PRAG1: variants seen among roughly 807,000 people sequenced by gnomAD.
PRAG1 encodes PEAK1 related, kinase-activating pseudokinase 1.
PRAG1 carries 110 observed loss-of-function variants against 95.6 expected under a neutral mutation model. The observed-to-expected ratio is 1.15, with a 90% CI of 0.99 to 1.35. The LOEUF (loss-of-function observed/expected upper bound fraction) is 1.35, where lower values mean the gene tolerates loss of function less well. Ranked by LOEUF, PRAG1 falls within the 40% of genes most tolerant of loss-of-function variation. The pLI, the probability that PRAG1 is intolerant of heterozygous loss-of-function variation, is 0.00. For synonymous variants in PRAG1, 1,052 were observed against 819.4 expected, an observed-to-expected ratio of 1.28 and a Z score of -4.85; for missense variants, 2,554 against 1,864.7, an observed-to-expected ratio of 1.37 and a Z score of -6.81.
At position 8,317,967 on chromosome 8, in the gene PRAG1, C is replaced by T. The variant is rs1235029653; in HGVS notation, c.*187G>A. The T allele has an allele frequency of 2.2e-5, 9 of 409,094 alleles. No individual in the cohort carries two copies. The highest frequency in any genetic ancestry group is 3.6e-5 in the Non-Finnish European group (9 of 248,502). The allele number at this position is 409,094 out of a possible 1,614,324, so 25.3% of individuals were successfully genotyped here. On this transcript the variant is annotated 3_prime_UTR_variant, in exon 6 of 6. Coordinates refer to ENST00000615670, the MANE Select transcript of PRAG1 (RefSeq NM_001080826.3). ...CAGAGAGGAGACGAGTGTGGACGGGCAACAGCATCCTTAGTCTTTCATATT... is the reference window on the plus strand; with the variant it reads ...CAGAGAGGAGACGAGTGTGGACGGGTAACAGCATCCTTAGTCTTTCATATT...
intron 4 of PRAG1, among the ~76,000 whole-genome samples, chr8:8,337,646 G>C (rs1392799783): frequency 6.6e-6 from 1 of 152,120 alleles, no homozygotes; most frequent in Non-Finnish European, 1.5e-5. Flanking sequence ...TGTTGGTCTG[G>C]GAGTCTAAGT....
At chr8:8,362,156 T>G (rs1487179192) in intron 3 of PRAG1, among the ~76,000 whole-genome samples, 1 of 152,186 alleles carries the variant, frequency 6.6e-6, no homozygotes, top group Non-Finnish European at 1.5e-5. Context: ...GCTTCCCTAA[T>G]GGAAATTTAG....
intron 4 of PRAG1, among the ~76,000 whole-genome samples, chr8:8,335,315 T>A (rs2976954): frequency 1.3e-5 from 2 of 151,786 alleles, no homozygotes; most frequent in Non-Finnish European, 2.9e-5. Context: ...CCAAATAATA[T>A]AATGAAAAAT....
At chr8:8,370,558 G>A (rs1426390577) in intron 3 of PRAG1, among the ~76,000 whole-genome samples, 1 of 152,198 alleles carries the variant, frequency 6.6e-6, no homozygotes, top group Non-Finnish European at 1.5e-5. Flanking sequence ...GGATTTCCTA[G>A]TAAAATGTTG....
intron 3 of PRAG1, among the ~76,000 whole-genome samples, chr8:8,354,169 A>G (rs1407727693): frequency 6.6e-6 from 1 of 152,134 alleles, no homozygotes; most frequent in African/African-American, 2.4e-5. Context: ...ATGCCAACAA[A>G]TTGGATGACA....
At chr8:8,367,127 C>T (rs1409757144) in intron 3 of PRAG1, among the ~76,000 whole-genome samples, 1 of 152,070 alleles carries the variant, frequency 6.6e-6, no homozygotes, top group Admixed American at 6.6e-5. Context: ...TCCAAATGAT[C>T]AGAATTGGCA....
Position 8,328,190 on chromosome 8 carries a change from A to G in PRAG1, c.2592T>C (p.Tyr864=). The change falls in exon 5 of 6, where the codon TAT becomes TAC. Residue 864 remains tyrosine (Y), a synonymous_variant. Transcript: ENST00000615670. ...GGTGGCGGTTCCCGGGGCTCAACGA[A>G]TAGCTAAAGTGAGATTCGTCGTGGA... is the stretch of plus-strand genomic sequence containing the variant. ...TNVHDESHFS[Y]SLSPGNRHHP... 6.2e-7 allele frequency: 1 copy of G among 1,614,164 alleles called. No homozygotes were observed. Among genetic ancestry groups the G allele is most frequent in the Non-Finnish European group, 8.5e-7 (1 of 1,180,026 alleles).
chr8:8,352,087 A>G (rs920146053), intron 3 of PRAG1, among the ~76,000 whole-genome samples: 1 of 152,194 alleles, frequency 6.6e-6, no homozygotes, highest in Non-Finnish European at 1.5e-5. Context: ...TTTCAAATTC[A>G]CTTTGTTGAA....
At chr8:8,326,283 A>C (rs1044118148) in intron 5 of PRAG1, among the ~76,000 whole-genome samples, 5 of 149,834 alleles carry the variant, frequency 3.3e-5, no homozygotes, top group African/African-American at 1.2e-4. Context: ...AATATTGTTT[A>C]ATATTATTTT....
At chr8:8,378,275 C>T (rs373915709) in intron 2 of PRAG1, among the ~76,000 whole-genome samples, 197 bp from the exon 3 acceptor site, 2 of 152,168 alleles carry the variant, frequency 1.3e-5, no homozygotes. Context: ...CTGGGGCACC[C>T]GCTGAGCCAT....
chr8:8,324,836 C>T (rs1372568681), intron 5 of PRAG1, among the ~76,000 whole-genome samples: 1 of 152,094 alleles, frequency 6.6e-6, no homozygotes, highest in Non-Finnish European at 1.5e-5. Context: ...AGAAATGAAA[C>T]TGCTTCGAAG....
At chr8:8,381,859 A>G (rs1800686488) in intron 1 of PRAG1, 25 bp from the exon 2 acceptor site, 2 of 814,026 alleles carry the variant, frequency 2.5e-6, no homozygotes, top group African/African-American at 1.7e-5. Flanking sequence ...CAGTTTCCTG[A>G]TTAGAGATTT....
intron 3 of PRAG1, among the ~76,000 whole-genome samples, chr8:8,342,035 G>T (rs1443810889): frequency 1.3e-5 from 2 of 151,972 alleles, no homozygotes; most frequent in East Asian, 3.9e-4. Context: ...GGAGACTGAG[G>T]CAGTAGAATC....
At chr8:8,324,380 A>G (rs1162741336) in intron 5 of PRAG1, among the ~76,000 whole-genome samples, 1 of 152,234 alleles carries the variant, frequency 6.6e-6, no homozygotes, top group Non-Finnish European at 1.5e-5. Context: ...GCATTTCAAA[A>G]TCAGTGCACT....
At chr8:8,351,363 A>G (rs566384775) in intron 3 of PRAG1, among the ~76,000 whole-genome samples, 2 of 152,230 alleles carry the variant, frequency 1.3e-5, no homozygotes, top group Admixed American at 6.5e-5. Flanking sequence ...CCCATCTCCA[A>G]TATTCGGGAT....
intron 3 of PRAG1, among the ~76,000 whole-genome samples, chr8:8,365,352 G>C (rs902334361): frequency 3.9e-5 from 6 of 152,110 alleles, no homozygotes; most frequent in African/African-American, 7.2e-5. Flanking sequence ...GGCTGGACAT[G>C]GTGGCTCACA....
At chr8:8,328,542 T>A (rs370858921) in intron 4 of PRAG1, 81 bp from the exon 5 acceptor site, 2 of 1,416,796 alleles carry the variant, frequency 1.4e-6, no homozygotes, top group East Asian at 2.4e-5. Context: ...TTCCCTTTAT[T>A]TATTTATTTA....
chr8:8,339,692 C>G, intron 3 of PRAG1, 57 bp from the exon 4 acceptor site: 1 of 1,538,398 alleles, frequency 6.5e-7, no homozygotes, highest in Non-Finnish European at 8.9e-7. Context: ...ATTCAGAAAC[C>G]AGGCTGATGG....
At chr8:8,350,146 C>G (rs1222840173) in intron 3 of PRAG1, among the ~76,000 whole-genome samples, 1 of 152,142 alleles carries the variant, frequency 6.6e-6, no homozygotes, top group Non-Finnish European at 1.5e-5. Context: ...AAAAGCAAGT[C>G]TTTTATTTGT....
Sources: gnomAD v4.1 joint callset for allele counts (sites outside exome capture counted in the v4.1 genomes callset) on GRCh38, gnomAD v4.1.1 for gene constraint, MANE v1.5 for transcripts, NCBI Gene and HGNC (gene_info 2026-07-23, HGNC 2026-07-21) for gene names.